Variants in IFI27L1 observed in about 807,000 individuals in gnomAD.
IFI27L1 encodes the protein interferon alpha inducible protein 27 like 1, also known as interferon alpha-inducible protein 27-like protein 1.
IFI27L1 carries 3 observed loss-of-function variants against 9.2 expected under a neutral mutation model. That is an observed-to-expected ratio of 0.32 (90% CI 0.15 to 0.84). The LOEUF (loss-of-function observed/expected upper bound fraction) is 0.84, where lower values mean the gene tolerates loss of function less well. Ranked by LOEUF, IFI27L1 falls within the 40% of genes least tolerant of loss-of-function variation. The pLI, the probability that IFI27L1 is intolerant of heterozygous loss-of-function variation, is 0.56. For synonymous variants in IFI27L1, 53 were observed against 50.0 expected (o/e 1.06, Z -0.26); for missense variants, 133 against 134.2 (o/e 0.99, Z 0.05).
At chr14:94,098,495 T>G (rs996887723) in intron 2 of IFI27L1, among the ~76,000 whole-genome samples, 1 of 152,226 alleles carries the variant, frequency 6.6e-6, no homozygotes, top group African/African-American at 2.4e-5. Context: ...GCAAAAACCC[T>G]GTTTCCAATT....
At chr14:94,081,722 C>T (rs922072344) in intron 1 of IFI27L1, among the ~76,000 whole-genome samples, 4 of 152,120 alleles carry the variant, frequency 2.6e-5, no homozygotes, top group Non-Finnish European at 5.9e-5. Context: ...ATGAGTGTTC[C>T]TTGTATTGTA....
At chr14:94,097,785 T>C (rs893761709) in intron 2 of IFI27L1, 12 of 671,888 alleles carry the variant, frequency 1.8e-5, no homozygotes, top group Non-Finnish European at 3.2e-5. Context: ...GGGGCTGCCC[T>C]TTACAGAGGC....
In IFI27L1 at chr14:94,102,018, A is replaced by G. The variant is rs1296650492; in HGVS notation, c.223+43A>G. ...GATGACCAGAGCCAGGAGATGATCCAGCCCCGAGGCTGAACCAGGGAGGCC... is the reference window on the plus strand; with the variant it reads ...GATGACCAGAGCCAGGAGATGATCCGGCCCCGAGGCTGAACCAGGGAGGCC... On this transcript the variant is annotated intron_variant, in intron 4 of 4. Coordinates refer to ENST00000555523, the MANE Select transcript of IFI27L1 (RefSeq NM_206949.3). The G allele has an allele frequency of 1.9e-6, 3 of 1,611,368 alleles. No individual in the cohort carries two copies. In the East Asian group the frequency reaches 6.7e-5, roughly 36 times the overall value.
chr14:94,082,438 C>CA (rs1243251309), intron 1 of IFI27L1, among the ~76,000 whole-genome samples: 1 of 151,630 alleles, frequency 6.6e-6, no homozygotes, highest in Admixed American at 6.6e-5. Flanking sequence ...TGAAGGTGGC[C>CA]ACTGAACAGC....
intron 2 of IFI27L1, among the ~76,000 whole-genome samples, chr14:94,098,683 G>T (rs1886770950): frequency 1.3e-5 from 2 of 152,192 alleles, no homozygotes; most frequent in Admixed American, 6.5e-5. Flanking sequence ...CACCAAGGAG[G>T]TCAGTGGGGA....
At chr14:94,096,703 A>AC in intron 1 of IFI27L1, 184 bp from the exon 2 acceptor site, 1 of 435,938 alleles carries the variant, frequency 2.3e-6, no homozygotes, top group Non-Finnish European at 4.1e-6. Context: ...CAGAAAAAAA[A>AC]AAAAAAAAAG....
Position 94,096,140 on chromosome 14 carries a change from G to A in IFI27L1, c.-51-747G>A, listed in dbSNP as rs1415376053. 4.6e-5 allele frequency among the ~76,000 whole-genome samples: 7 copies of A among 152,282 alleles called. 1 individual carries two copies. The highest frequency in any genetic ancestry group is 1.9e-4 in the East Asian group (1 of 5,182). On this transcript the variant is annotated intron_variant, in intron 1 of 4. Transcript: ENST00000555523. ...TCTATTTGTCCCCCAGGACAGAAACGTAGCTGGATATTGGCAACAATAAGT... is the reference window on the plus strand; with the variant it reads ...TCTATTTGTCCCCCAGGACAGAAACATAGCTGGATATTGGCAACAATAAGT...
chr14:94,098,763 G>C (rs1886773690), intron 2 of IFI27L1, among the ~76,000 whole-genome samples: 1 of 152,192 alleles, frequency 6.6e-6, no homozygotes, highest in Non-Finnish European at 1.5e-5. Context: ...GAGAGTGCAT[G>C]AGAGGAGTGG....
Position 94,101,872 on chromosome 14 carries a change from A to G in IFI27L1, c.120A>G (p.Gly40=). 6.2e-7 allele frequency: 1 copy of G among 1,614,246 alleles called. No individual in the cohort carries two copies. Among genetic ancestry groups the G allele is most frequent in the Non-Finnish European group, 8.5e-7 (1 of 1,180,044 alleles). ...GTGCCATGGGCTTCACCTCAGTAGG[A>G]ATCGCCGCATCCTCCATAGCAGCCA... is the stretch of plus-strand genomic sequence containing the variant. ...ALSAMGFTSV[G]IAASSIAAKM... The change falls in exon 4 of 5, where the codon GGA becomes GGG. Residue 40 remains glycine, a synonymous_variant. Coordinates refer to ENST00000555523, the MANE Select transcript of IFI27L1 (RefSeq NM_206949.3).
intron 4 of IFI27L1, 152 bp downstream of exon 4, chr14:94,102,127 G>A (rs1435711590): frequency 2.5e-6 from 2 of 801,464 alleles, no homozygotes; most frequent in South Asian, 1.7e-5. Context: ...GTTGGAGGTG[G>A]GACCAGGGGT....
chr14:94,089,084 G>A (rs994476216), intron 1 of IFI27L1: 1 of 152,154 alleles, frequency 6.6e-6, no homozygotes. Context: ...GAGTGCAGTG[G>A]TTGGGTCATG....
intron 1 of IFI27L1, among the ~76,000 whole-genome samples, chr14:94,082,891 A>G (rs932343141): frequency 2.0e-5 from 3 of 152,382 alleles, no homozygotes; most frequent in Admixed American, 6.5e-5. Flanking sequence ...TCCATTCTTC[A>G]GCCCATGGAT....
At chr14:94,083,572 C>T (rs1886181975) in intron 1 of IFI27L1, among the ~76,000 whole-genome samples, 1 of 152,182 alleles carries the variant, frequency 6.6e-6, no homozygotes, top group South Asian at 2.1e-4. Flanking sequence ...CCTCACCTTT[C>T]AGCAACCACC....
intron 1 of IFI27L1, among the ~76,000 whole-genome samples, chr14:94,084,928 T>A (rs1886230678): frequency 2.0e-5 from 3 of 152,204 alleles, no homozygotes. Flanking sequence ...ACACAGTTTT[T>A]AATTTCTTTT....
chr14:94,095,117 C>CTCGA (rs1262642173), intron 1 of IFI27L1, among the ~76,000 whole-genome samples: 1 of 152,152 alleles, frequency 6.6e-6, no homozygotes, highest in Non-Finnish European at 1.5e-5. Context: ...TCACTGCAGC[C>CTCGA]TCGACTTCCT....
chr14:94,094,142 C>T (rs1886584262), intron 1 of IFI27L1, among the ~76,000 whole-genome samples: 1 of 152,128 alleles, frequency 6.6e-6, no homozygotes, highest in Non-Finnish European at 1.5e-5. Context: ...TGTTAGAGTC[C>T]TTCCAAAGAT....
intron 2 of IFI27L1, among the ~76,000 whole-genome samples, chr14:94,099,618 C>T (rs768807337): frequency 7.2e-5 from 11 of 152,100 alleles, no homozygotes; most frequent in Non-Finnish European, 1.5e-4. Context: ...TGTGGACTTC[C>T]AGCCTCCAGA....
chr14:94,092,803 A>C (rs1296423064), intron 1 of IFI27L1, among the ~76,000 whole-genome samples: 1 of 152,180 alleles, frequency 6.6e-6, no homozygotes, highest in Non-Finnish European at 1.5e-5. Context: ...AGATAATTGA[A>C]TCACCGGGAT....
chr14:94,101,077 C>T (rs1886878619), intron 3 of IFI27L1: 2 of 563,394 alleles, frequency 3.5e-6, no homozygotes, highest in Admixed American at 3.0e-5. Flanking sequence ...AAAGCAGGGC[C>T]CATGGTATCC....
Sources: allele counts gnomAD v4.1 joint callset (sites outside exome capture counted in the v4.1 genomes callset), GRCh38; gene constraint gnomAD v4.1.1; transcripts MANE v1.5; gene names NCBI Gene and HGNC (gene_info 2026-07-23, HGNC 2026-07-21).